The following SUGCT variants were observed in gnomAD, a reference collection of about 807,000 sequenced individuals.
SUGCT encodes succinyl-CoA:glutarate-CoA transferase.
SUGCT carries 41 observed loss-of-function variants against 55.0 expected under a neutral mutation model. That is an observed-to-expected ratio of 0.74 (90% CI 0.58 to 0.97). SUGCT has a LOEUF of 0.97. Among genes scored for constraint, SUGCT ranks in the 50% least tolerant of loss-of-function variants. SUGCT has a pLI of 0.00. For synonymous variants in SUGCT, 187 were observed against 200.4 expected, an observed-to-expected ratio of 0.93 and a Z score of 0.56; for missense variants, 568 against 547.8, an observed-to-expected ratio of 1.04 and a Z score of -0.37.
chr7:40,439,064 G>GTGTATATA (rs1283539157), intron 9 of SUGCT, among the ~76,000 whole-genome samples: 360 of 27,154 alleles, frequency 0.013, 56 homozygotes, highest in Admixed American at 0.016. Flanking sequence ...TATATATGGT[G>GTGTATATA]TATATATATA....
chr7:40,926,497 C>T, the SUGCT span, among the ~76,000 whole-genome samples: 3 of 151,984 alleles, frequency 2.0e-5, no homozygotes, highest in Non-Finnish European at 4.4e-5. Context: ...TTTCTAGATT[C>T]AAGTAGTTTG....
rs568299227 is a variant in SUGCT at position 40,806,672 on chromosome 7, ACT to A, written c.1154-53641_1154-53640del. Reference sequence around the variant, plus strand: ...TTTCCACATATTTGTATTCAGAGTGACTCTACCATTCAACCAAATTTCTTTAA... The same window carrying A: ...TTTCCACATATTTGTATTCAGAGTGACTACCATTCAACCAAATTTCTTTAA... On this transcript the variant is annotated intron_variant, in intron 13 of 13. Transcript: ENST00000335693. Among the ~76,000 whole-genome samples, 335 of 152,240 alleles carry A rather than the reference ACT, an allele frequency of 2.2e-3. 1 individual carries two copies. The highest frequency in any genetic ancestry group is 7.9e-3 in the African/African-American group (329 of 41,546).
intron 6 of SUGCT, among the ~76,000 whole-genome samples, chr7:40,202,342 T>C (rs1327156623): frequency 6.6e-6 from 1 of 152,192 alleles, no homozygotes; most frequent in African/African-American, 2.4e-5. Flanking sequence ...TTGTCCAGTT[T>C]ATGACGTCTC....
intron 12 of SUGCT, among the ~76,000 whole-genome samples, chr7:40,525,337 G>T (rs573651788): frequency 6.6e-6 from 1 of 152,110 alleles, no homozygotes; most frequent in Admixed American, 6.5e-5. Flanking sequence ...GGAAAGAGCC[G>T]GAGATAAAGT....
At chr7:41,037,089 A>G in the SUGCT span, among the ~76,000 whole-genome samples, 2 of 152,170 alleles carry the variant, frequency 1.3e-5, no homozygotes, top group African/African-American at 4.8e-5. Flanking sequence ...ATCCTGTAAC[A>G]CTGAAACTCA....
intron 9 of SUGCT, among the ~76,000 whole-genome samples, chr7:40,359,736 A>T (rs982881114): frequency 1.3e-5 from 2 of 152,162 alleles, no homozygotes; most frequent in African/African-American, 2.4e-5. Context: ...TTGTAATATG[A>T]TCTACTTTAG....
chr7:40,886,984 G>A, the SUGCT span, among the ~76,000 whole-genome samples: 9 of 152,274 alleles, frequency 5.9e-5, no homozygotes, highest in Admixed American at 2.0e-4. Flanking sequence ...TCCTACTTCC[G>A]TTTCCCTTGG....
the SUGCT span, among the ~76,000 whole-genome samples, chr7:41,019,326 A>T: frequency 6.6e-6 from 1 of 152,220 alleles, no homozygotes; most frequent in African/African-American, 2.4e-5. Flanking sequence ...CCACATAAGT[A>T]CTTGTCATAA....
intron 12 of SUGCT, among the ~76,000 whole-genome samples, chr7:40,725,045 G>T (rs1454925821): frequency 6.6e-6 from 1 of 152,160 alleles, no homozygotes; most frequent in Non-Finnish European, 1.5e-5. Context: ...GCTGAGACAG[G>T]AGCTGTCGTG....
chr7:40,740,096 A>G (rs1314579554), intron 12 of SUGCT, among the ~76,000 whole-genome samples: 1 of 152,158 alleles, frequency 6.6e-6, no homozygotes, highest in Non-Finnish European at 1.5e-5. Flanking sequence ...TCAACATTTT[A>G]TAATTTCCAG....
intron 11 of SUGCT, among the ~76,000 whole-genome samples, chr7:40,467,866 T>C (rs1790204020): frequency 6.6e-6 from 1 of 152,166 alleles, no homozygotes; most frequent in South Asian, 2.1e-4. Context: ...ATAAATAATT[T>C]GTTCAACTTT....
intron 9 of SUGCT, among the ~76,000 whole-genome samples, chr7:40,340,575 T>C (rs555401504): frequency 5.3e-5 from 8 of 152,222 alleles, no homozygotes; most frequent in Middle Eastern, 3.4e-3. Flanking sequence ...ATAAAGACTT[T>C]TGCATCCATT....
intron 13 of SUGCT, among the ~76,000 whole-genome samples, chr7:40,846,593 G>A (rs1793568402): frequency 6.6e-6 from 1 of 152,180 alleles, no homozygotes. Context: ...TCAAATACAA[G>A]TTGCCCTGTT....
At chr7:40,609,732 G>A (rs191013393) in intron 12 of SUGCT, among the ~76,000 whole-genome samples, 3 of 152,246 alleles carry the variant, frequency 2.0e-5, no homozygotes, top group Admixed American at 6.5e-5. Context: ...GGCCGAATCC[G>A]ATCCAGCACA....
intron 9 of SUGCT, among the ~76,000 whole-genome samples, chr7:40,428,774 A>G (rs1787734290): frequency 6.6e-6 from 1 of 152,188 alleles, no homozygotes; most frequent in African/African-American, 2.4e-5. Context: ...TTACATACCA[A>G]TGTTACAGTA....
At chr7:40,155,893 T>G (rs1783866252) in intron 1 of SUGCT, among the ~76,000 whole-genome samples, 1 of 150,980 alleles carries the variant, frequency 6.6e-6, no homozygotes, top group Non-Finnish European at 1.5e-5. Flanking sequence ...AGTCTCCCTC[T>G]GTAGCCCAGG....
the SUGCT span, among the ~76,000 whole-genome samples, chr7:41,018,523 C>A: frequency 6.6e-6 from 1 of 152,184 alleles, no homozygotes. Flanking sequence ...ATCCTAAAAC[C>A]AAGTCCTTTA....
intron 12 of SUGCT, among the ~76,000 whole-genome samples, chr7:40,589,517 T>C (rs1463885425): frequency 3.3e-5 from 5 of 152,150 alleles, no homozygotes; most frequent in Non-Finnish European, 7.3e-5. Flanking sequence ...GCCCTTTTTA[T>C]AGTGGCTTTA....
the SUGCT span, among the ~76,000 whole-genome samples, chr7:40,989,109 TA>T: frequency 2.6e-5 from 4 of 151,854 alleles, no homozygotes; most frequent in South Asian, 4.1e-4. Flanking sequence ...ACTTTGTTGC[TA>T]AAAAAAATAC....
Sources: gnomAD v4.1 joint callset for allele counts (sites outside exome capture counted in the v4.1 genomes callset) on GRCh38, gnomAD v4.1.1 for gene constraint, MANE v1.5 for transcripts, NCBI Gene and HGNC (gene_info 2026-07-23, HGNC 2026-07-21) for gene names.